DDX10: variants seen among roughly 807,000 people sequenced by gnomAD.
DDX10 encodes probable ATP-dependent RNA helicase DDX10.
DDX10 carries 74 observed loss-of-function variants against 104.3 expected under a neutral mutation model. The ratio of observed to expected loss-of-function variants is 0.71; its 90% CI spans 0.59 to 0.86. The LOEUF is 0.86. Among genes scored for constraint, DDX10 ranks in the 40% least tolerant of loss-of-function variants. The pLI is 0.00. For synonymous variants in DDX10, 351 were observed against 353.4 expected (o/e 0.99, Z 0.08); for missense variants, 952 against 1,040.0 (o/e 0.92, Z 1.16).
intron 16 of DDX10, among the ~76,000 whole-genome samples, chr11:108,883,329 TATATC>T (rs1195202982): frequency 1.3e-5 from 2 of 152,184 alleles, no homozygotes; most frequent in Non-Finnish European, 2.9e-5. Flanking sequence ...TATTTTTTGT[TATATC>T]ATATTCTTTC....
chr11:108,816,493 C>T (rs1238051344), intron 13 of DDX10, among the ~76,000 whole-genome samples: 1 of 151,972 alleles, frequency 6.6e-6, no homozygotes, highest in Non-Finnish European at 1.5e-5. Context: ...GACTCTACCA[C>T]ATTGTTCACT....
chr11:108,780,508 G>C (rs1478979480), intron 13 of DDX10, among the ~76,000 whole-genome samples: 2 of 152,030 alleles, frequency 1.3e-5, no homozygotes, highest in Non-Finnish European at 1.5e-5. Context: ...TTCCAGTTTA[G>C]CTGTCATTTG....
At chr11:108,690,979 G>GT (rs2094251717) in intron 7 of DDX10, 1 of 152,478 alleles carries the variant, frequency 6.6e-6, no homozygotes, top group South Asian at 2.1e-4. Flanking sequence ...TGGAGAAGCT[G>GT]TTTTTACATC....
At chr11:108,735,243 C>T (rs181096293) in intron 13 of DDX10, among the ~76,000 whole-genome samples, 14 of 152,210 alleles carry the variant, frequency 9.2e-5, no homozygotes, top group African/African-American at 2.6e-4. Flanking sequence ...GGTGAAATGC[C>T]GGCTTATTAA....
chr11:108,920,507 C>T (rs1227392292), intron 17 of DDX10: 1 of 152,166 alleles, frequency 6.6e-6, no homozygotes, highest in Non-Finnish European at 1.5e-5. Flanking sequence ...CCTGTGAACA[C>T]AGAGATTGTC....
chr11:108,722,956 C>A, intron 12 of DDX10, 41 bp from the exon 13 acceptor site: 1 of 1,542,680 alleles, frequency 6.5e-7, no homozygotes, highest in South Asian at 1.3e-5. Context: ...AACATATCAT[C>A]AGTGTTGAGA....
At chr11:108,729,350 C>A (rs1038742928) in intron 13 of DDX10, among the ~76,000 whole-genome samples, 11 of 152,124 alleles carry the variant, frequency 7.2e-5, no homozygotes, top group African/African-American at 2.7e-4. Context: ...TAGCACATCA[C>A]AGCTTGCTCC....
chr11:108,731,106 C>T (rs2094311668), intron 13 of DDX10, among the ~76,000 whole-genome samples: 2 of 150,908 alleles, frequency 1.3e-5, no homozygotes, highest in Admixed American at 1.3e-4. Flanking sequence ...GGCTGGAGTG[C>T]AGTGGCCGAT....
chr11:108,689,160 G>T, intron 7 of DDX10, 98 bp downstream of exon 7: 1 of 1,271,582 alleles, frequency 7.9e-7, no homozygotes, highest in Non-Finnish European at 1.1e-6. Flanking sequence ...GAGAAGTACA[G>T]TGCTAGGTGT....
At chr11:108,870,467 T>C (rs75739848) in intron 16 of DDX10, among the ~76,000 whole-genome samples, 3,126 of 152,334 alleles carry the variant, frequency 0.021, 104 homozygotes, top group African/African-American at 0.071. Flanking sequence ...TCTCTGGTCT[T>C]ATTTCCCACT....
At chr11:108,812,005 A>G (rs1215057505) in intron 13 of DDX10, among the ~76,000 whole-genome samples, 2 of 151,986 alleles carry the variant, frequency 1.3e-5, no homozygotes, top group East Asian at 3.9e-4. Context: ...TTTTTTTGTT[A>G]ATGTTCACTT....
At chr11:108,796,447 G>C (rs1474371146) in intron 13 of DDX10, among the ~76,000 whole-genome samples, 2 of 152,158 alleles carry the variant, frequency 1.3e-5, no homozygotes, top group Non-Finnish European at 2.9e-5. Flanking sequence ...AGTAATGGTG[G>C]ATGAAGGTCT....
intron 6 of DDX10, 121 bp from the exon 7 acceptor site, chr11:108,688,815 A>G (rs1293415192): frequency 6.9e-6 from 7 of 1,017,024 alleles, no homozygotes; most frequent in South Asian, 3.4e-5. Context: ...TTTTTGGTGT[A>G]TGTGTGTAGG....
At chr11:108,730,974 T>C (rs115350837) in intron 13 of DDX10, among the ~76,000 whole-genome samples, 1,572 of 152,286 alleles carry the variant, frequency 0.01, 25 homozygotes, top group African/African-American at 0.036. Flanking sequence ...TTTCTTCCTG[T>C]ACATTCCCTA....
chr11:108,736,430 C>T (rs985407637), intron 13 of DDX10, among the ~76,000 whole-genome samples: 4 of 151,994 alleles, frequency 2.6e-5, no homozygotes, highest in South Asian at 2.1e-4. Context: ...CATGGATGGG[C>T]GGGATTTGGC....
intron 17 of DDX10, among the ~76,000 whole-genome samples, chr11:108,924,619 C>G (rs1863884378): frequency 6.6e-6 from 1 of 152,146 alleles, no homozygotes; most frequent in African/African-American, 2.4e-5. Flanking sequence ...ACTTGCCTGT[C>G]TTTAAAAATG....
At chr11:108,726,033 A>G (rs1447671450) in intron 13 of DDX10, among the ~76,000 whole-genome samples, 1 of 151,994 alleles carries the variant, frequency 6.6e-6, no homozygotes, top group Admixed American at 6.6e-5. Flanking sequence ...TTGTTTGGAA[A>G]AAACTATGCT....
chr11:108,901,216 A>G (rs1863512756), intron 16 of DDX10, among the ~76,000 whole-genome samples: 1 of 152,192 alleles, frequency 6.6e-6, no homozygotes, highest in Non-Finnish European at 1.5e-5. Flanking sequence ...CATGGAACAT[A>G]TTTGGTTTTT....
At chr11:108,821,162 C>A (rs1862321165) in intron 13 of DDX10, among the ~76,000 whole-genome samples, 1 of 152,108 alleles carries the variant, frequency 6.6e-6, no homozygotes, top group Non-Finnish European at 1.5e-5. Flanking sequence ...TAAGAAGTAT[C>A]ACGAGAAACA....
Sources: gnomAD v4.1 joint callset for allele counts (sites outside exome capture counted in the v4.1 genomes callset) on GRCh38, gnomAD v4.1.1 for gene constraint, MANE v1.5 for transcripts, NCBI Gene and HGNC (gene_info 2026-07-23, HGNC 2026-07-21) for gene names.